STX18: variants seen among roughly 807,000 people sequenced by gnomAD.
The protein encoded by STX18 is syntaxin 18, also known as syntaxin-18.
In STX18, 40 loss-of-function variants were observed where a neutral mutation model predicts 50.1. The ratio of observed to expected loss-of-function variants is 0.80; its 90% CI spans 0.62 to 1.04. The LOEUF is 1.04. Ranked by LOEUF, STX18 falls within the 50% of genes least tolerant of loss-of-function variation. The pLI is 0.00. For synonymous variants in STX18, 158 were observed against 151.8 expected (o/e 1.04, Z -0.30); for missense variants, 410 against 415.8 (o/e 0.99, Z 0.12).
At chr4:4,459,062 GCACACA>G (rs60704649) in intron 3 of STX18, among the ~76,000 whole-genome samples, 10 of 144,280 alleles carry the variant, frequency 6.9e-5, no homozygotes, top group Non-Finnish European at 1.1e-4. Context: ...ACACACACAC[GCACACA>G]CACACACACA....
intron 1 of STX18, chr4:4,499,643 C>T (rs1239074246): frequency 7.4e-6 from 4 of 539,150 alleles, no homozygotes; most frequent in Non-Finnish European, 7.1e-6. Context: ...ATCATTAAAC[C>T]TGAACCAGGT....
intron 1 of STX18, chr4:4,477,825 A>G (rs1299167002): frequency 1.3e-5 from 2 of 152,184 alleles, no homozygotes; most frequent in African/African-American, 2.4e-5. Context: ...TTTTTGTACT[A>G]CATCTCTATT....
chr4:4,473,044 A>T (rs1208938024), intron 1 of STX18, among the ~76,000 whole-genome samples: 1 of 152,228 alleles, frequency 6.6e-6, no homozygotes, highest in African/African-American at 2.4e-5. Flanking sequence ...GACACTGCTC[A>T]ACACTTTCAC....
At chr4:4,435,119 G>A (rs937945642) in intron 6 of STX18, among the ~76,000 whole-genome samples, 6 of 152,164 alleles carry the variant, frequency 3.9e-5, no homozygotes, top group African/African-American at 1.2e-4. Context: ...GTATCGCACT[G>A]ATGTCAGCAA....
rs1432780384 is a variant in STX18 at position 4,457,205 on chromosome 4, C to T, written c.483G>A (p.Val161=). The change falls in exon 5 of 11, where the codon GTG becomes GTA. Residue 161 remains valine (V), a synonymous_variant. Transcript: ENST00000306200. The part of the protein sequence containing the change: ...EQRAIRVKRV[V]DKKRLSKLEP... ...GCAATACTTACAATCTTTTCTTATC[C>T]ACCACTCTTTTAACTCGGATGGCTC... 3.7e-6 allele frequency: 6 copies of T among 1,613,780 alleles called. No homozygotes were observed. In the African/African-American group the frequency reaches 4.0e-5, roughly 11 times the overall value.
At chr4:4,531,261 A>G (rs990943536) in intron 1 of STX18, among the ~76,000 whole-genome samples, 8 of 152,180 alleles carry the variant, frequency 5.3e-5, no homozygotes, top group African/African-American at 1.9e-4. Context: ...ATGCTGCCAA[A>G]GTGAGCATTA....
intron 6 of STX18, among the ~76,000 whole-genome samples, chr4:4,437,929 G>A (rs1403376550): frequency 6.6e-6 from 1 of 152,228 alleles, no homozygotes; most frequent in Non-Finnish European, 1.5e-5. Context: ...GGGCCCTCTA[G>A]TATCTGTGGT....
chr4:4,447,392 A>G (rs577521498), intron 5 of STX18, among the ~76,000 whole-genome samples: 15 of 151,946 alleles, frequency 9.9e-5, no homozygotes, highest in Admixed American at 3.3e-4. Context: ...GATCGAGACC[A>G]TCCTGGCTAA....
At chr4:4,430,673 G>A (rs141382728) in intron 7 of STX18, among the ~76,000 whole-genome samples, 168 of 152,282 alleles carry the variant, frequency 1.1e-3, no homozygotes, top group Middle Eastern at 3.4e-3. Context: ...GAGAGGAGCC[G>A]TACTCTGACA....
chr4:4,523,828 C>A (rs548423886), intron 1 of STX18, among the ~76,000 whole-genome samples: 41 of 152,276 alleles, frequency 2.7e-4, no homozygotes, highest in African/African-American at 9.4e-4. Context: ...AAAACTTTTT[C>A]TAGTGCACCA....
chr4:4,434,861 G>T lies in STX18; in HGVS notation c.614-3C>A. 6.3e-7 allele frequency: 1 copy of T among 1,592,400 alleles called. No individual in the cohort carries two copies. Among genetic ancestry groups the T allele is most frequent in the South Asian group, 1.2e-5 (1 of 86,284 alleles). On this transcript the variant is annotated splice_polypyrimidine_tract_variant and splice_region_variant and intron_variant, in intron 6 of 10. Coordinates refer to ENST00000306200, the MANE Select transcript of STX18 (RefSeq NM_016930.4). ...TTGTGTTTCAGCCAAAATTTTTTCT[G>T]TTAAAAAAAAAATTGAAAATAGAAG... is the stretch of plus-strand genomic sequence containing the variant.
At chr4:4,537,701 T>C (rs1277062360) in intron 1 of STX18, among the ~76,000 whole-genome samples, 1 of 152,214 alleles carries the variant, frequency 6.6e-6, no homozygotes, top group Non-Finnish European at 1.5e-5. Flanking sequence ...TGCATACCTT[T>C]TCTTATTTCA....
At chr4:4,522,226 C>T (rs1383664042) in intron 1 of STX18, among the ~76,000 whole-genome samples, 3 of 152,132 alleles carry the variant, frequency 2.0e-5, no homozygotes, top group Non-Finnish European at 4.4e-5. Flanking sequence ...AAGTAATCCA[C>T]CCCATCATTT....
At chr4:4,535,375 C>A (rs967147374) in intron 1 of STX18, among the ~76,000 whole-genome samples, 1 of 152,190 alleles carries the variant, frequency 6.6e-6, no homozygotes. Context: ...ACAAAGGACT[C>A]ACAATCTCAT....
chr4:4,442,464 A>C (rs1021363560), intron 5 of STX18, among the ~76,000 whole-genome samples: 2 of 152,134 alleles, frequency 1.3e-5, no homozygotes, highest in Admixed American at 6.5e-5. Flanking sequence ...TAAAAATACA[A>C]AAATTAGCCG....
chr4:4,447,315 C>T (rs921822922), intron 5 of STX18, among the ~76,000 whole-genome samples: 1 of 150,674 alleles, frequency 6.6e-6, no homozygotes, highest in Non-Finnish European at 1.5e-5. Flanking sequence ...CTGGGCCGGG[C>T]GCGGTGGCTC....
chr4:4,441,016 G>A (rs903426831), intron 5 of STX18, among the ~76,000 whole-genome samples: 1 of 152,190 alleles, frequency 6.6e-6, no homozygotes. Context: ...CCACACACAT[G>A]GCTAGCAAGT....
At chr4:4,440,502 G>A (rs745493431) in intron 5 of STX18, among the ~76,000 whole-genome samples, 18 of 152,218 alleles carry the variant, frequency 1.2e-4, no homozygotes, top group Non-Finnish European at 2.2e-4. Flanking sequence ...TCCATGTGGG[G>A]TATATTCTAC....
chr4:4,469,742 C>A (rs1211072328), intron 2 of STX18, among the ~76,000 whole-genome samples: 1 of 152,098 alleles, frequency 6.6e-6, no homozygotes, highest in African/African-American at 2.4e-5. Flanking sequence ...TATTTTTGGT[C>A]GTCTGGCTTT....
Sources: allele counts gnomAD v4.1 joint callset (sites outside exome capture counted in the v4.1 genomes callset), GRCh38; gene constraint gnomAD v4.1.1; transcripts MANE v1.5; gene names NCBI Gene and HGNC (gene_info 2026-07-23, HGNC 2026-07-21).